Variants in BLTP3B observed in about 807,000 individuals in gnomAD.
The protein encoded by BLTP3B is bridge-like lipid transfer protein family member 3B.
the BLTP3B span, among the ~76,000 whole-genome samples, chr12:100,038,333 C>T: frequency 6.6e-6 from 1 of 152,034 alleles, no homozygotes; most frequent in African/African-American, 2.4e-5. Flanking sequence ...AATGTGTCAT[C>T]AGACATTTTC....
the BLTP3B span, among the ~76,000 whole-genome samples, chr12:100,117,803 TG>T: frequency 4.6e-5 from 7 of 152,166 alleles, no homozygotes; most frequent in Admixed American, 4.6e-4. Context: ...ACCTGACCTT[TG>T]GGGTGCTTTT....
the BLTP3B span, chr12:100,086,373 G>GC: frequency 3.2e-3 from 690 of 218,838 alleles, 5 homozygotes; most frequent in South Asian, 0.029. Context: ...GAAAAAAAAA[G>GC]GGGGGGGGGG....
the BLTP3B span, among the ~76,000 whole-genome samples, chr12:100,057,090 C>T: frequency 6.6e-6 from 1 of 152,094 alleles, no homozygotes; most frequent in African/African-American, 2.4e-5. Flanking sequence ...TGAAAGAATC[C>T]TAATTTTGTA....
At chr12:100,059,035 A>G in the BLTP3B span, 1 of 1,614,076 alleles carries the variant, frequency 6.2e-7, no homozygotes, top group Non-Finnish European at 8.5e-7. Flanking sequence ...GTATTTAGAG[A>G]TACCTGATTA....
At chr12:100,129,912 T>C in the BLTP3B span, among the ~76,000 whole-genome samples, 1 of 152,216 alleles carries the variant, frequency 6.6e-6, no homozygotes, top group Non-Finnish European at 1.5e-5. Flanking sequence ...TCCAGGAAAA[T>C]AGATTTAATA....
At chr12:100,037,124 A>G in the BLTP3B span, 2 of 889,074 alleles carry the variant, frequency 2.2e-6, no homozygotes, top group South Asian at 5.2e-5. Flanking sequence ...ACTTTTTACA[A>G]TAATTAAATA....
chr12:100,091,029 CT>C, the BLTP3B span, among the ~76,000 whole-genome samples: 286 of 139,708 alleles, frequency 2.0e-3, no homozygotes, highest in Non-Finnish European at 2.2e-3. Flanking sequence ...ATGAATAATC[CT>C]TTTTTTTTTT....
the BLTP3B span, among the ~76,000 whole-genome samples, chr12:100,071,785 A>G: frequency 6.6e-6 from 1 of 152,208 alleles, no homozygotes; most frequent in African/African-American, 2.4e-5. Context: ...CTACAGCTAA[A>G]AGGACAACTT....
the BLTP3B span, among the ~76,000 whole-genome samples, chr12:100,078,873 G>A: frequency 5.3e-4 from 80 of 152,252 alleles, 1 homozygote; most frequent in African/African-American, 1.6e-3. Flanking sequence ...GGAGGTGATT[G>A]AATTATGGGG....
At chr12:100,038,493 G>T in the BLTP3B span, among the ~76,000 whole-genome samples, 3 of 152,186 alleles carry the variant, frequency 2.0e-5, no homozygotes, top group African/African-American at 7.2e-5. Flanking sequence ...GCGCCACCAT[G>T]CCCAGCTAAT....
At chr12:100,059,684 T>C in the BLTP3B span, 1 of 1,148,258 alleles carries the variant, frequency 8.7e-7, no homozygotes, top group Non-Finnish European at 1.2e-6. Context: ...ACTCTTCCCC[T>C]CAAATCTTAT....
the BLTP3B span, among the ~76,000 whole-genome samples, chr12:100,120,387 T>C: frequency 6.6e-6 from 1 of 150,842 alleles, no homozygotes; most frequent in Admixed American, 6.6e-5. Context: ...AAGAAAAAAA[T>C]AAAAATAAAA....
chr12:100,137,925 A>G, the BLTP3B span, among the ~76,000 whole-genome samples: 3 of 152,164 alleles, frequency 2.0e-5, no homozygotes, highest in African/African-American at 4.8e-5. Context: ...TTGCTAATTG[A>G]ACCATGGGTA....
the BLTP3B span, chr12:100,128,543 G>GAAA: frequency 2.5e-3 from 2,448 of 973,528 alleles, 3 homozygotes; most frequent in Non-Finnish European, 3.0e-3. Flanking sequence ...TTTATAGAAT[G>GAAA]AAAAAAAAAA....
At chr12:100,102,423 C>T in the BLTP3B span, among the ~76,000 whole-genome samples, 1 of 152,024 alleles carries the variant, frequency 6.6e-6, no homozygotes, top group Non-Finnish European at 1.5e-5. Context: ...CCCAACTTAA[C>T]TCTTAAGAGT....
chr12:100,107,907 T>A, the BLTP3B span, among the ~76,000 whole-genome samples: 1 of 151,972 alleles, frequency 6.6e-6, no homozygotes, highest in African/African-American at 2.4e-5. Context: ...GGGCTATTTT[T>A]TTATTTTTAT....
the BLTP3B span, among the ~76,000 whole-genome samples, chr12:100,101,867 G>A: frequency 2.6e-5 from 4 of 152,164 alleles, no homozygotes; most frequent in South Asian, 4.1e-4. Context: ...GCAGTGGCAT[G>A]AGCTCAGCTC....
the BLTP3B span, among the ~76,000 whole-genome samples, chr12:100,115,310 G>A: frequency 1.3e-5 from 2 of 152,120 alleles, no homozygotes; most frequent in African/African-American, 4.8e-5. Context: ...GGAGGCTGAG[G>A]CAGAAGAATC....
At chr12:100,116,308 G>A in the BLTP3B span, among the ~76,000 whole-genome samples, 2 of 151,736 alleles carry the variant, frequency 1.3e-5, no homozygotes, top group South Asian at 2.1e-4. Flanking sequence ...TTAAAAGTTA[G>A]CTAAGCATAG....
Sources: allele counts gnomAD v4.1 joint callset (sites outside exome capture counted in the v4.1 genomes callset), GRCh38; gene constraint gnomAD v4.1.1; transcripts MANE v1.5; gene names NCBI Gene and HGNC (gene_info 2026-07-23, HGNC 2026-07-21).